RBMS3: variants seen among roughly 807,000 people sequenced by gnomAD.
RBMS3 encodes the protein RNA-binding motif, single-stranded-interacting protein 3.
A neutral mutation model predicts 66.8 loss-of-function variants in RBMS3; 27 were observed. The observed-to-expected ratio is 0.40, with a 90% CI of 0.30 to 0.56. The LOEUF (loss-of-function observed/expected upper bound fraction) is 0.56. RBMS3 is among the 20% of genes least tolerant of loss of function. The pLI, the probability that RBMS3 is intolerant of heterozygous loss-of-function variation, is 0.40. For synonymous variants in RBMS3, 188 were observed against 183.0 expected, an observed-to-expected ratio of 1.03 and a Z score of -0.22; for missense variants, 513 against 549.5, an observed-to-expected ratio of 0.93 and a Z score of 0.66.
intron 1 of RBMS3, among the ~76,000 whole-genome samples, chr3:29,429,829 C>T (rs1283485593): frequency 3.3e-5 from 5 of 152,122 alleles, no homozygotes; most frequent in African/African-American, 1.2e-4. Flanking sequence ...ATGATAAAAT[C>T]CCAAATCCCT....
intron 12 of RBMS3, among the ~76,000 whole-genome samples, chr3:29,955,279 G>A (rs766192474): frequency 1.3e-5 from 2 of 151,834 alleles, no homozygotes; most frequent in African/African-American, 2.4e-5. Context: ...ATTCTTCTTC[G>A]CTTCTTCCAT....
At chr3:29,809,492 T>G (rs1288389935) in intron 6 of RBMS3, among the ~76,000 whole-genome samples, 1 of 152,034 alleles carries the variant, frequency 6.6e-6, no homozygotes, top group African/African-American at 2.4e-5. Context: ...AATAAATCAC[T>G]GATATATTAG....
intron 1 of RBMS3, among the ~76,000 whole-genome samples, chr3:29,359,790 C>G (rs1419983518): frequency 3.9e-5 from 6 of 152,078 alleles, no homozygotes; most frequent in Admixed American, 2.0e-4. Flanking sequence ...TGTATGTGTC[C>G]AGGAATTTAT....
intron 4 of RBMS3, among the ~76,000 whole-genome samples, chr3:29,713,096 G>T (rs1046951274): frequency 6.6e-6 from 1 of 151,834 alleles, no homozygotes; most frequent in African/African-American, 2.4e-5. Context: ...ATTGATTATT[G>T]TGGCTAGTAT....
intron 3 of RBMS3, among the ~76,000 whole-genome samples, chr3:29,549,114 A>G (rs1020379870): frequency 1.7e-5 from 2 of 116,002 alleles, no homozygotes; most frequent in Non-Finnish European, 3.3e-5. Context: ...TCACATCTAT[A>G]CTTATATCTT....
chr3:29,900,491 A>AATGAT (rs2060226494), intron 10 of RBMS3, among the ~76,000 whole-genome samples: 1 of 151,736 alleles, frequency 6.6e-6, no homozygotes. Context: ...ACTGAAGGCT[A>AATGAT]ATGATTGCAT....
chr3:29,401,563 G>A (rs542746299), intron 1 of RBMS3, among the ~76,000 whole-genome samples: 16 of 152,142 alleles, frequency 1.1e-4, no homozygotes, highest in African/African-American at 3.9e-4. Context: ...CTTAGGGCAT[G>A]TTTTAAGAGG....
At chr3:29,439,593 T>TTTTATTTATTTA (rs3041548) in intron 2 of RBMS3, among the ~76,000 whole-genome samples, 29,243 of 149,034 alleles carry the variant, frequency 0.2, 3,123 homozygotes, top group African/African-American at 0.25. Flanking sequence ...GTTAATCTCT[T>TTTTATTTATTTA]TTTATTTATT....
At position 29,439,753 on chromosome 3, in the gene RBMS3, C is replaced by T. The variant is rs1050224071; in HGVS notation, c.248+4838C>T. Among the ~76,000 whole-genome samples, 7 of 152,158 alleles carry T rather than the reference C, an allele frequency of 4.6e-5. No individual in the cohort carries two copies. The East Asian group carries it at 1.2e-3, about 25-fold the overall frequency. ...AGGTATATCTCCTAATGCTATCCCT[C>T]CCCCCTTTTTCTTACCCAGTCTTGA... On this transcript the variant is annotated intron_variant, in intron 2 of 14. Coordinates refer to ENST00000383767, the MANE Select transcript of RBMS3 (RefSeq NM_001003793.3).
chr3:29,756,638 C>T (rs1213704969), intron 5 of RBMS3, among the ~76,000 whole-genome samples: 2 of 152,042 alleles, frequency 1.3e-5, no homozygotes, highest in South Asian at 4.1e-4. Flanking sequence ...ATTGTAGGAG[C>T]TACAATTCAA....
chr3:29,960,116 G>A (rs987643153), intron 12 of RBMS3, among the ~76,000 whole-genome samples: 4 of 152,138 alleles, frequency 2.6e-5, no homozygotes, highest in Non-Finnish European at 4.4e-5. Context: ...TTCCACCTAT[G>A]AGCCTGTAAA....
chr3:29,703,007 A>G (rs891259579), intron 4 of RBMS3, among the ~76,000 whole-genome samples: 1 of 152,242 alleles, frequency 6.6e-6, no homozygotes, highest in African/African-American at 2.4e-5. Context: ...TCATGTTAGC[A>G]CTAGATGATA....
At chr3:29,714,919 A>G (rs2053327956) in intron 4 of RBMS3, among the ~76,000 whole-genome samples, 2 of 152,162 alleles carry the variant, frequency 1.3e-5, no homozygotes, top group African/African-American at 4.8e-5. Context: ...TAGTCTGATT[A>G]TTTGAGTAGT....
At chr3:29,306,224 A>G (rs1410655187) in intron 1 of RBMS3, among the ~76,000 whole-genome samples, 2 of 151,916 alleles carry the variant, frequency 1.3e-5, no homozygotes, top group Non-Finnish European at 2.9e-5. Flanking sequence ...TTTTGGTTCA[A>G]TTGCTTATCA....
chr3:29,561,996 A>G (rs2046573715), intron 3 of RBMS3, among the ~76,000 whole-genome samples: 1 of 152,152 alleles, frequency 6.6e-6, no homozygotes, highest in African/African-American at 2.4e-5. Context: ...ATGCATACAT[A>G]TGAGAAACAC....
intron 3 of RBMS3, among the ~76,000 whole-genome samples, chr3:29,586,293 A>G (rs1449219558): frequency 6.6e-6 from 1 of 152,094 alleles, no homozygotes; most frequent in East Asian, 1.9e-4. Flanking sequence ...GGACATACAA[A>G]ATGGACTTTT....
At chr3:29,851,949 C>A (rs1176867979) in intron 6 of RBMS3, among the ~76,000 whole-genome samples, 1 of 152,144 alleles carries the variant, frequency 6.6e-6, no homozygotes, top group East Asian at 1.9e-4. Context: ...GCTACAGTAA[C>A]CAAAACAGCA....
At chr3:29,848,258 A>C (rs891846643) in intron 6 of RBMS3, among the ~76,000 whole-genome samples, 4 of 152,150 alleles carry the variant, frequency 2.6e-5, no homozygotes, top group Non-Finnish European at 4.4e-5. Context: ...CATTTACAGG[A>C]TCTTTCTCCA....
At chr3:29,876,454 T>G (rs993407095) in intron 7 of RBMS3, among the ~76,000 whole-genome samples, 4 of 152,208 alleles carry the variant, frequency 2.6e-5, no homozygotes, top group African/African-American at 9.6e-5. Flanking sequence ...GGTGAATTAT[T>G]CATGTATTAA....
Sources: gnomAD v4.1 joint callset for allele counts (sites outside exome capture counted in the v4.1 genomes callset) on GRCh38, gnomAD v4.1.1 for gene constraint, MANE v1.5 for transcripts, NCBI Gene and HGNC (gene_info 2026-07-23, HGNC 2026-07-21) for gene names.